Variants in GNB1 observed in about 807,000 individuals in gnomAD.
GNB1 encodes guanine nucleotide-binding protein G(I)/G(S)/G(T) subunit beta-1.
GNB1 carries 2 observed loss-of-function variants against 42.9 expected under a neutral mutation model. The observed-to-expected ratio is 0.05, with a 90% CI of 0.02 to 0.15. The LOEUF is 0.15. Among genes scored for constraint, GNB1 ranks in the 10% least tolerant of loss-of-function variants. The probability of loss-of-function intolerance (pLI) is 1.00; values close to 1 mark genes in which losing one functional copy is unlikely to be tolerated. For missense variants in GNB1, 193 were observed against 462.2 expected (o/e 0.42, Z 5.34); for synonymous variants, 183 against 174.7 (o/e 1.05, Z -0.38).
At chr1:1,887,358 T>C (rs1172783518) in intron 1 of GNB1, among the ~76,000 whole-genome samples, 1 of 152,182 alleles carries the variant, frequency 6.6e-6, no homozygotes, top group Non-Finnish European at 1.5e-5. Context: ...CCTGAAGACC[T>C]TTTTCATCCT....
chr1:1,868,186 T>C (rs974807384), intron 1 of GNB1, among the ~76,000 whole-genome samples: 2 of 152,156 alleles, frequency 1.3e-5, no homozygotes, highest in African/African-American at 4.8e-5. Context: ...TTTTTTTGTT[T>C]TTTTTTGAGA....
chr1:1,818,633 T>C (rs1025649700), intron 3 of GNB1, among the ~76,000 whole-genome samples: 8 of 151,894 alleles, frequency 5.3e-5, no homozygotes, highest in Non-Finnish European at 1.0e-4. Flanking sequence ...GAGGCCGAGG[T>C]GGGTGGATCA....
At chr1:1,840,151 C>T (rs1437662051) in intron 1 of GNB1, among the ~76,000 whole-genome samples, 2 of 149,894 alleles carry the variant, frequency 1.3e-5, no homozygotes, top group African/African-American at 4.9e-5. Context: ...TCACTTGAAC[C>T]CAGAAGGTGG....
intron 1 of GNB1, among the ~76,000 whole-genome samples, chr1:1,869,526 G>A (rs912515213): frequency 6.6e-6 from 1 of 152,116 alleles, no homozygotes; most frequent in African/African-American, 2.4e-5. Context: ...TTTTCCTACT[G>A]TCCCTGCTTC....
chr1:1,828,732 C>A (rs373390995), intron 2 of GNB1, among the ~76,000 whole-genome samples: 1 of 152,066 alleles, frequency 6.6e-6, no homozygotes, highest in African/African-American at 2.4e-5. Flanking sequence ...TCAAAACCTA[C>A]GTTTGTCAAT....
intron 6 of GNB1, among the ~76,000 whole-genome samples, chr1:1,806,060 AAAT>A (rs1646691924): frequency 6.6e-6 from 1 of 152,244 alleles, no homozygotes; most frequent in African/African-American, 2.4e-5. Flanking sequence ...TAAGTCTTGA[AAAT>A]AACATAAATT....
intron 1 of GNB1, among the ~76,000 whole-genome samples, chr1:1,870,019 T>C (rs568173175): frequency 6.6e-6 from 1 of 152,244 alleles, no homozygotes; most frequent in Admixed American, 6.5e-5. Flanking sequence ...CCCGCCACCA[T>C]GCTCAGCTAA....
At chr1:1,870,555 A>C (rs1434791082) in intron 1 of GNB1, among the ~76,000 whole-genome samples, 1 of 152,226 alleles carries the variant, frequency 6.6e-6, no homozygotes, top group Non-Finnish European at 1.5e-5. Flanking sequence ...CTTTTCCAAA[A>C]CATAATATTC....
chr1:1,853,797 TG>T (rs1287759815), intron 1 of GNB1, among the ~76,000 whole-genome samples: 3 of 152,208 alleles, frequency 2.0e-5, no homozygotes, highest in Non-Finnish European at 4.4e-5. Context: ...AAGCATTTTG[TG>T]AGCCTACTCT....
chr1:1,885,291 T>G (rs1317468831), intron 1 of GNB1, among the ~76,000 whole-genome samples: 1 of 150,394 alleles, frequency 6.6e-6, no homozygotes. Context: ...CGGGCACCTG[T>G]AATCTCAGCT....
chr1:1,791,553 A>C (rs1553192220), intron 8 of GNB1, among the ~76,000 whole-genome samples: 2 of 152,230 alleles, frequency 1.3e-5, no homozygotes, highest in Non-Finnish European at 2.9e-5. Context: ...ACAGAGCAGA[A>C]GCCTGGCTCA....
chr1:1,845,852 C>G (rs1434900992), intron 1 of GNB1, among the ~76,000 whole-genome samples: 4 of 83,298 alleles, frequency 4.8e-5, no homozygotes, highest in Non-Finnish European at 5.6e-5. Context: ...CACACACACA[C>G]ACACACACAC....
chr1:1,861,698 C>T lies in GNB1; in HGVS notation c.-95-22460G>A, dbSNP rs1648638500. On this transcript the variant is annotated intron_variant, in intron 1 of 11. Coordinates refer to ENST00000378609, the MANE Select transcript of GNB1 (RefSeq NM_002074.5). ...CCCTGAAGGAGGCTTCAATCTGTGG[C>T]TAAAACAGAGCTGGTGCTGAGGCTC... 2.6e-5 allele frequency among the ~76,000 whole-genome samples: 4 copies of T among 151,954 alleles called. 1 individual carries two copies. The highest frequency in any genetic ancestry group is 2.0e-4 in the Admixed American group (3 of 15,222).
At position 1,785,590 on chromosome 1, in the gene GNB1, C is replaced by CG. The variant is rs1022281826; in HGVS notation, c.*1472dup. 1.0e-4 allele frequency: 17 copies of CG among 163,098 alleles called. No homozygotes were observed. The highest frequency in any genetic ancestry group is 3.1e-4 in the East Asian group (2 of 6,448). The allele number at this position is 163,098 out of a possible 1,614,324, so 10.1% of individuals were successfully genotyped here. ...CTATGAAGGAGTGCGGGGGGCGGGG[C>CG]GGGGGGTCCCACAGAACCTGCTTTC... On this transcript the variant is annotated 3_prime_UTR_variant, in exon 12 of 12. Transcript: ENST00000378609.
At chr1:1,810,057 A>G (rs1280712798) in intron 5 of GNB1, among the ~76,000 whole-genome samples, 2 of 151,474 alleles carry the variant, frequency 1.3e-5, no homozygotes, top group African/African-American at 4.9e-5. Flanking sequence ...ACAAAGGGAG[A>G]CCCTGTCTCC....
In GNB1 at chr1:1,826,375, C is replaced by G. The variant is rs554790194; in HGVS notation, c.-46-876G>C. Among the ~76,000 whole-genome samples the G allele has an allele frequency of 5.1e-4, 77 of 152,278 alleles. 2 individuals carry two copies. The South Asian group carries it at 0.016, about 31-fold the overall frequency. ...GAGGTTGCACTGAGCCAAAATCACA[C>G]CACTGCATTCCGGCCTGGGTGACAG... is the stretch of plus-strand genomic sequence containing the variant. On this transcript the variant is annotated intron_variant, in intron 2 of 11. Transcript: ENST00000378609.
intron 2 of GNB1, among the ~76,000 whole-genome samples, chr1:1,828,415 T>C (rs534308812): frequency 1.8e-4 from 27 of 152,172 alleles, no homozygotes; most frequent in Admixed American, 5.2e-4. Context: ...TCCTGAAATC[T>C]TACATACTGC....
At chr1:1,855,461 GGAGGCC>G (rs1553202361) in intron 1 of GNB1, among the ~76,000 whole-genome samples, 1 of 152,160 alleles carries the variant, frequency 6.6e-6, no homozygotes, top group Non-Finnish European at 1.5e-5. Flanking sequence ...CAGCACTTTG[GGAGGCC>G]GAGGCGGGCG....
chr1:1,845,916 G>A (rs373387264), intron 1 of GNB1, among the ~76,000 whole-genome samples: 10 of 150,758 alleles, frequency 6.6e-5, no homozygotes, highest in African/African-American at 1.7e-4. Context: ...TGGAAGCAAC[G>A]ACCTCTCCAC....
Sources: gnomAD v4.1 joint callset for allele counts (sites outside exome capture counted in the v4.1 genomes callset) on GRCh38, gnomAD v4.1.1 for gene constraint, MANE v1.5 for transcripts, NCBI Gene and HGNC (gene_info 2026-07-23, HGNC 2026-07-21) for gene names.